Variants in SCN11A observed in about 807,000 individuals in gnomAD.
The protein encoded by SCN11A is sodium voltage-gated channel alpha subunit 11.
Under a neutral mutation model 162.2 loss-of-function variants are expected in SCN11A, and 122 were observed. The ratio of observed to expected loss-of-function variants is 0.75; its 90% CI spans 0.65 to 0.87. The LOEUF is 0.87. Ranked by LOEUF, SCN11A falls within the 40% of genes least tolerant of loss-of-function variation. The probability of loss-of-function intolerance (pLI) is 0.00; values close to 1 mark genes in which losing one functional copy is unlikely to be tolerated. For synonymous variants in SCN11A, 758 were observed against 751.5 expected, an observed-to-expected ratio of 1.01 and a Z score of -0.14; for missense variants, 2,015 against 2,181.6, an observed-to-expected ratio of 0.92 and a Z score of 1.52.
intron 2 of SCN11A, among the ~76,000 whole-genome samples, chr3:38,994,644 G>A (rs2030555721): frequency 3.3e-5 from 5 of 152,192 alleles, no homozygotes; most frequent in Non-Finnish European, 1.5e-5. Context: ...GAGGAAGTTG[G>A]CCTAAGTCCC....
chr3:38,872,684 T>C (rs2065149063), intron 23 of SCN11A, among the ~76,000 whole-genome samples: 1 of 152,238 alleles, frequency 6.6e-6, no homozygotes, highest in South Asian at 2.1e-4. Context: ...TGAATCAATG[T>C]TAAATTTCTA....
rs146041107 is a variant in SCN11A, at chr3:39,008,750, G to C, written c.-280+23630C>G. The stretch of plus-strand genomic sequence containing the variant: ...CTAAAATACAAGGGTGGGTGTAGTG[G>C]CACGTGCCTGTAGTCCCAGCTACTC... On this transcript the variant is annotated intron_variant, in intron 2 of 29. Coordinates refer to ENST00000302328, the MANE Select transcript of SCN11A (RefSeq NM_001349253.2). 2.3e-3 allele frequency among the ~76,000 whole-genome samples: 345 copies of C among 152,086 alleles called. 1 individual carries two copies. The highest frequency in any genetic ancestry group is 8.1e-3 in the African/African-American group (337 of 41,470).
intron 7 of SCN11A, among the ~76,000 whole-genome samples, chr3:38,928,818 C>T (rs1438142505): frequency 6.6e-6 from 1 of 152,102 alleles, no homozygotes; most frequent in Non-Finnish European, 1.5e-5. Flanking sequence ...GAAATGGGAA[C>T]ACTTGTGCAC....
intron 1 of SCN11A, among the ~76,000 whole-genome samples, chr3:39,044,366 A>AG (rs1212694396): frequency 3.3e-5 from 5 of 152,182 alleles, no homozygotes; most frequent in African/African-American, 4.8e-5. Flanking sequence ...GCTGCAGAAT[A>AG]CACATTCTTT....
At chr3:38,928,452 T>C (rs1258669027) in intron 7 of SCN11A, among the ~76,000 whole-genome samples, 2 of 152,102 alleles carry the variant, frequency 1.3e-5, no homozygotes, top group Non-Finnish European at 2.9e-5. Context: ...AACAGGTTGA[T>C]GGAGAAGCAA....
chr3:38,897,056 T>C lies in SCN11A; in HGVS notation c.2192A>G (p.Lys731Arg). ...QLFGRSFNSQ[K>R]SPKLCNPTGP... ...TGTCGGGTTACAGAGTTTTGGACTC[T>C]TTTGGGAATTGAAGCTACGGCCAAA... The change falls in exon 18 of 30, where the codon AAG becomes AGG. Residue 731 changes from lysine to arginine, a missense_variant. By Grantham distance (26) the Lys-to-Arg change is conservative (BLOSUM62 2). Coordinates refer to ENST00000302328, the MANE Select transcript of SCN11A (RefSeq NM_001349253.2). 1 of 1,614,138 alleles carries C rather than the reference T, an allele frequency of 6.2e-7. No individual in the cohort carries two copies. The highest frequency in any genetic ancestry group is 1.1e-5 in the South Asian group (1 of 91,080).
chr3:39,018,857 C>T (rs2031368541), intron 2 of SCN11A, among the ~76,000 whole-genome samples: 1 of 152,128 alleles, frequency 6.6e-6, no homozygotes, highest in South Asian at 2.1e-4. Flanking sequence ...TGTTTTGAAA[C>T]TGCATTTGCA....
intron 26 of SCN11A, among the ~76,000 whole-genome samples, chr3:38,869,860 C>A (rs1210196394): frequency 6.6e-6 from 1 of 152,104 alleles, no homozygotes; most frequent in African/African-American, 2.4e-5. Context: ...CAAATATTCC[C>A]AAATCTTACA....
At chr3:38,967,447 C>T (rs1455086543) in intron 2 of SCN11A, among the ~76,000 whole-genome samples, 1 of 152,208 alleles carries the variant, frequency 6.6e-6, no homozygotes, top group Non-Finnish European at 1.5e-5. Context: ...TGTCAATAGC[C>T]AGCACCAGCT....
At chr3:39,020,276 TACTTGA>T (rs2031414662) in intron 2 of SCN11A, among the ~76,000 whole-genome samples, 1 of 152,242 alleles carries the variant, frequency 6.6e-6, no homozygotes, top group Admixed American at 6.5e-5. Flanking sequence ...TACTCACTGA[TACTTGA>T]AAGAATAAAA....
chr3:39,000,651 A>G (rs1250373994), intron 2 of SCN11A, among the ~76,000 whole-genome samples: 2 of 152,170 alleles, frequency 1.3e-5, no homozygotes, highest in African/African-American at 4.8e-5. Context: ...TTGGGGTGCA[A>G]CTGTTACGGT....
chr3:38,870,846 A>G, intron 25 of SCN11A, 102 bp from the exon 26 acceptor site: 1 of 907,980 alleles, frequency 1.1e-6, no homozygotes. Context: ...CTGAATATAT[A>G]AGATGATACC....
At position 38,885,284 on chromosome 3, in the gene SCN11A, T is replaced by C. The variant is rs1262481708; in HGVS notation, c.3064+4A>G. The C allele has an allele frequency of 5.1e-6, 8 of 1,560,306 alleles. No homozygotes were observed. The highest frequency in any genetic ancestry group is 7.1e-6 in the Non-Finnish European group (8 of 1,130,960). ...GAACTGGATGCAGAAATACTGCCACTTACCTTTGGGCAAACATCTCTCTGG... is the reference window on the plus strand; with the variant it reads ...GAACTGGATGCAGAAATACTGCCACCTACCTTTGGGCAAACATCTCTCTGG... On this transcript the variant is annotated splice_donor_region_variant and intron_variant, in intron 21 of 29. Coordinates refer to ENST00000302328, the MANE Select transcript of SCN11A (RefSeq NM_001349253.2).
At chr3:38,889,908 A>G (rs968352552) in intron 19 of SCN11A, among the ~76,000 whole-genome samples, 2 of 151,548 alleles carry the variant, frequency 1.3e-5, no homozygotes, top group Non-Finnish European at 2.9e-5. Context: ...AAACAATCCC[A>G]TTTTCCAATG....
intron 7 of SCN11A, among the ~76,000 whole-genome samples, chr3:38,933,447 A>C (rs905061749): frequency 3.6e-4 from 55 of 152,306 alleles, no homozygotes; most frequent in African/African-American, 1.2e-3. Context: ...GGAAATTCAA[A>C]CCAAAGGCAA....
intron 2 of SCN11A, among the ~76,000 whole-genome samples, 110 bp downstream of exon 2, chr3:39,032,270 A>G: frequency 6.6e-6 from 1 of 152,226 alleles, no homozygotes; most frequent in East Asian, 1.9e-4. Flanking sequence ...ATTAATCACT[A>G]ACAGACAGTG....
Position 38,880,054 on chromosome 3 carries a change from A to G in SCN11A, c.3289T>C (p.Phe1097Leu). Residue 1097 changes from phenylalanine (F) to leucine (L), a missense_variant, in exon 23 of 30, where the codon TTT becomes CTT. Coordinates refer to ENST00000302328, the MANE Select transcript of SCN11A (RefSeq NM_001349253.2). ...ATCTCCAGGATAAAAATATGTGTAAAAATAATGTCAGTACAATTTAGTAAT... is the reference window on the plus strand; with the variant it reads ...ATCTCCAGGATAAAAATATGTGTAAGAATAATGTCAGTACAATTTAGTAAT... ...QELLNCTDII[F>L]THIFILEMVL... The G allele has an allele frequency of 6.2e-7, 1 of 1,610,894 alleles. No individual in the cohort carries two copies. Among genetic ancestry groups the G allele is most frequent in the Non-Finnish European group, 8.5e-7 (1 of 1,177,366 alleles).
chr3:38,984,515 CT>C (rs11305181), intron 2 of SCN11A, among the ~76,000 whole-genome samples: 7,137 of 144,082 alleles, frequency 0.05, 518 homozygotes, highest in African/African-American at 0.16. Flanking sequence ...TTGTGCTGAG[CT>C]TTTTTTTTTT....
chr3:38,867,480 A>G, intron 26 of SCN11A, 22 bp from the exon 27 acceptor site: 1 of 1,576,182 alleles, frequency 6.3e-7, no homozygotes, highest in Non-Finnish European at 8.6e-7. Flanking sequence ...TTTTTTAATA[A>G]GAGAAAAAAA....
Sources: allele counts gnomAD v4.1 joint callset (sites outside exome capture counted in the v4.1 genomes callset), GRCh38; gene constraint gnomAD v4.1.1; transcripts MANE v1.5; gene names NCBI Gene and HGNC (gene_info 2026-07-23, HGNC 2026-07-21).